FAT1: variants seen among roughly 807,000 people sequenced by gnomAD.
FAT1 encodes the protein protocadherin Fat 1.
FAT1 carries 171 observed loss-of-function variants against 329.8 expected under a neutral mutation model. The ratio of observed to expected loss-of-function variants is 0.52; its 90% CI spans 0.46 to 0.59. The LOEUF is 0.59. Ranked by LOEUF, FAT1 falls within the 20% of genes least tolerant of loss-of-function variation. The probability of loss-of-function intolerance (pLI) is 0.00; values close to 1 mark genes in which losing one functional copy is unlikely to be tolerated. For missense variants in FAT1, 5,672 were observed against 5,774.4 expected (o/e 0.98, Z 0.57); for synonymous variants, 2,233 against 2,228.6 (o/e 1.00, Z -0.06).
At chr4:186,716,874 T>G (rs868867192) in intron 1 of FAT1, among the ~76,000 whole-genome samples, 2 of 152,134 alleles carry the variant, frequency 1.3e-5, no homozygotes, top group Non-Finnish European at 2.9e-5. Flanking sequence ...ACCTCTGCCT[T>G]CTGGGTTCAA....
rs1206691154 is a variant in FAT1, at chr4:186,706,959, C to T, written c.2869G>A (p.Gly957Ser). The T allele has an allele frequency of 2.5e-6, 4 of 1,613,996 alleles. No homozygotes were observed. In the Admixed American group the frequency reaches 6.7e-5, roughly 27 times the overall value. ...CTGTATCTCACCTGACCAGACTGAC[C>T]TAAATCAGGATCGTGGGCTTCTAAC... ...MWLEAHDPDL[G>S]QSGQVRYSLL... The change falls in exon 2 of 27, where the codon GGT becomes AGT. Residue 957 changes from glycine to serine, a missense_variant. Physicochemically the swap from Gly to Ser is moderately conservative, Grantham distance 56. This residue lies in a region of FAT1 where 3,966 missense variants were observed against 3,915.2 expected (regional missense o/e 1.01). Transcript: ENST00000441802.
At chr4:186,681,498 T>C (rs1743203844) in intron 2 of FAT1, among the ~76,000 whole-genome samples, 1 of 152,110 alleles carries the variant, frequency 6.6e-6, no homozygotes, top group Non-Finnish European at 1.5e-5. Flanking sequence ...GGAAGCGGTG[T>C]TCGGAAGAGA....
chr4:186,702,007 G>A (rs1456724988), intron 2 of FAT1, among the ~76,000 whole-genome samples: 7 of 101,006 alleles, frequency 6.9e-5, no homozygotes, highest in Non-Finnish European at 9.7e-5. Context: ...CCCCCACACA[G>A]GTGACACAGA....
intron 1 of FAT1, among the ~76,000 whole-genome samples, chr4:186,716,325 T>G (rs982060404): frequency 6.6e-6 from 1 of 152,174 alleles, no homozygotes; most frequent in Non-Finnish European, 1.5e-5. Context: ...TCTATCAACA[T>G]AGTGAAAGCG....
rs758118120 is a variant in FAT1 at position 186,618,700 on chromosome 4, G to A, written c.7886C>T (p.Ala2629Val). 1 of 1,613,946 alleles carries A rather than the reference G, an allele frequency of 6.2e-7. No individual in the cohort carries two copies. The highest frequency in any genetic ancestry group is 1.1e-5 in the South Asian group (1 of 91,078). Residue 2629 changes from alanine (A) to valine (V), a missense_variant, in exon 10 of 27, where the codon GCC becomes GTC. Coordinates refer to ENST00000441802, the MANE Select transcript of FAT1 (RefSeq NM_005245.4). ...TGCTTCAATGGCATAGGTGATGTCG[G>A]CATTGGAGCCCTCATCGGCATCACT... Reference protein sequence around the residue: ...LASDADEGSNADITYAIEADS... With the variant: ...LASDADEGSNVDITYAIEADS...
At chr4:186,653,663 C>A (rs987279810) in intron 3 of FAT1, among the ~76,000 whole-genome samples, 2 of 152,226 alleles carry the variant, frequency 1.3e-5, no homozygotes, top group African/African-American at 4.8e-5. Context: ...TTGAAAAAAA[C>A]TTTTGTGATA....
chr4:186,693,804 A>G (rs1434262747), intron 2 of FAT1, among the ~76,000 whole-genome samples: 1 of 152,232 alleles, frequency 6.6e-6, no homozygotes, highest in Non-Finnish European at 1.5e-5. Context: ...AAAGACAATA[A>G]AACGTTTCAG....
chr4:186,598,489 T>C (rs1738643256), intron 22 of FAT1: 2 of 165,816 alleles, frequency 1.2e-5, no homozygotes, highest in Admixed American at 6.3e-5. Context: ...AATGAGAAAA[T>C]AATGAATGTG....
At chr4:186,713,049 T>C (rs1745040749) in intron 1 of FAT1, among the ~76,000 whole-genome samples, 1 of 151,784 alleles carries the variant, frequency 6.6e-6, no homozygotes, top group Non-Finnish European at 1.5e-5. Context: ...CAAAGAGAGC[T>C]TCCCCTACTG....
Position 186,619,718 on chromosome 4 carries a change from C to A in FAT1, c.6868G>T (p.Val2290Leu), listed in dbSNP as rs2126508472. 1 of 1,613,978 alleles carries A rather than the reference C, an allele frequency of 6.2e-7. No individual in the cohort carries two copies. The highest frequency in any genetic ancestry group is 8.5e-7 in the Non-Finnish European group (1 of 1,179,894). ...PPVFAQQSYA[V>L]TLSEASVIGT... ...ATTACAGATGCCTCAGACAGGGTCA[C>A]CGCATAAGACTGCTGAGCAAACACA... The change falls in exon 10 of 27, where the codon GTG becomes TTG. Residue 2290 changes from valine (V) to leucine (L), a missense_variant. Val to Leu is a conservative substitution (Grantham distance 32). Transcript: ENST00000441802.
chr4:186,628,333 T>C lies in FAT1; in HGVS notation c.4631A>G (p.Asn1544Ser), dbSNP rs1345559882. 2 of 1,613,264 alleles carry C rather than the reference T, an allele frequency of 1.2e-6. No homozygotes were observed. Among genetic ancestry groups the C allele is most frequent in the East Asian group, 4.5e-5 (2 of 44,864 alleles). The change falls in exon 9 of 27, where the codon AAC becomes AGC. Residue 1544 changes from asparagine (N) to serine (S), a missense_variant. Physicochemically the swap from Asn to Ser is conservative, Grantham distance 46. Coordinates refer to ENST00000441802, the MANE Select transcript of FAT1 (RefSeq NM_005245.4). ...VRDQDVPVKRNFARIVVNVSD... is the reference protein window; with the variant it reads ...VRDQDVPVKRSFARIVVNVSD... ...GACATTGACCACAATCCTTGCAAAGTTGCGTTTTACAGGCACATCTTGATC... is the reference window on the plus strand; with the variant it reads ...GACATTGACCACAATCCTTGCAAAGCTGCGTTTTACAGGCACATCTTGATC...
chr4:186,613,653 A>G (rs1342180458), intron 12 of FAT1, among the ~76,000 whole-genome samples: 1 of 152,242 alleles, frequency 6.6e-6, no homozygotes, highest in South Asian at 2.1e-4. Flanking sequence ...AATTGACTCA[A>G]AAATTAGATT....
At chr4:186,712,154 T>C (rs1276158950) in intron 1 of FAT1, among the ~76,000 whole-genome samples, 3 of 152,214 alleles carry the variant, frequency 2.0e-5, no homozygotes, top group Non-Finnish European at 4.4e-5. Context: ...TGTCTAGCTA[T>C]ATAAACTGGA....
rs1560917119 is a variant in FAT1, at chr4:186,595,808, T to C, written c.13019A>G (p.Asp4340Gly). ...FDYDTKVVDL[D>G]PCLSKKPLEE... The stretch of plus-strand genomic sequence containing the variant: ...TAGAGGCTTCTTGGAAAGACAGGGA[T>C]CAAGATCCACCACTTTTGCTAAAAG... The change falls in exon 26 of 27, where the codon GAT becomes GGT. Residue 4340 changes from aspartate to glycine, a missense_variant. Coordinates refer to ENST00000441802, the MANE Select transcript of FAT1 (RefSeq NM_005245.4). The C allele has an allele frequency of 6.2e-7, 1 of 1,613,880 alleles. No individual in the cohort carries two copies. Among genetic ancestry groups the C allele is most frequent in the East Asian group, 2.2e-5 (1 of 44,874 alleles).
chr4:186,653,884 G>GC (rs1291761732), intron 3 of FAT1, among the ~76,000 whole-genome samples: 3 of 152,092 alleles, frequency 2.0e-5, no homozygotes, highest in African/African-American at 7.2e-5. Context: ...GATGACCCCT[G>GC]CGGTACATGC....
At chr4:186,642,637 GGTGCTGCAATGGGTGGCTAC>G (rs1260704183) in intron 3 of FAT1, among the ~76,000 whole-genome samples, 5 of 146,498 alleles carry the variant, frequency 3.4e-5, no homozygotes, top group South Asian at 4.2e-4. Context: ...TGGGTGGCTA[GGTGCTGCAATGGGTGGCTAC>G]GTGCTGCGAT....
Position 186,708,579 on chromosome 4 carries a change from T to C in FAT1, c.1249A>G (p.Thr417Ala), listed in dbSNP as rs746858512. ...GKAKFSLNYN[T>A]GLISILEPVK... The stretch of plus-strand genomic sequence containing the variant: ...GGTTCTAAAATAGAAATGAGACCAG[T>C]GTTGTAATTTAAACTGAATTTAGCT... The change falls in exon 2 of 27, where the codon ACT (threonine) becomes GCT (alanine). Residue 417 changes from threonine to alanine, a missense_variant. Around this residue, in one of 2 missense-constraint regions of FAT1, gnomAD observed 3,966 missense variants for 3,915.2 expected, o/e 1.01. Transcript: ENST00000441802. The C allele has an allele frequency of 5.6e-6, 9 of 1,613,960 alleles. No individual in the cohort carries two copies. Among genetic ancestry groups the C allele is most frequent in the Non-Finnish European group, 6.8e-6 (8 of 1,179,878 alleles).
chr4:186,640,714 G>C (rs192063017), intron 3 of FAT1, among the ~76,000 whole-genome samples: 2 of 152,242 alleles, frequency 1.3e-5, no homozygotes, highest in East Asian at 3.9e-4. Flanking sequence ...GACCTCTCTT[G>C]AGAACTTTAA....
chr4:186,631,199 G>C (rs535928272), intron 7 of FAT1, among the ~76,000 whole-genome samples: 1 of 152,088 alleles, frequency 6.6e-6, no homozygotes, highest in Admixed American at 6.6e-5. Flanking sequence ...ATCCATCCCC[G>C]AGGTATCCTA....
Sources: allele counts gnomAD v4.1 joint callset (sites outside exome capture counted in the v4.1 genomes callset), GRCh38; gene constraint gnomAD v4.1.1; regional missense constraint gnomAD v4.1.1; transcripts MANE v1.5; gene names NCBI Gene and HGNC (gene_info 2026-07-23, HGNC 2026-07-21).